WDR59: variants seen among roughly 807,000 people sequenced by gnomAD.
The protein encoded by WDR59 is WD repeat domain 59.
WDR59 carries 100 observed loss-of-function variants against 131.2 expected under a neutral mutation model. That is an observed-to-expected ratio of 0.76 (90% confidence interval 0.65 to 0.90). The LOEUF (loss-of-function observed/expected upper bound fraction) is 0.90, where lower values mean the gene tolerates loss of function less well. Ranked by LOEUF, WDR59 falls within the 40% of genes least tolerant of loss-of-function variation. WDR59 has a pLI of 0.00. For synonymous variants in WDR59, 601 were observed against 466.2 expected (o/e 1.29, Z -3.72); for missense variants, 1,203 against 1,262.2 (o/e 0.95, Z 0.71).
intron 9 of WDR59, among the ~76,000 whole-genome samples, chr16:74,922,661 G>C (rs1031937882): frequency 6.6e-6 from 1 of 152,164 alleles, no homozygotes; most frequent in African/African-American, 2.4e-5. Context: ...GTAGCTAAGG[G>C]TTCCATTCAG....
rs1964065828 is a variant in WDR59 at position 74,873,697 on chromosome 16, A to C, written c.*512T>G. ...ATCCTTAAGTACAGTGCATATTTAC[A>C]ATTTAAGTGTCATATTTTAGAAGGC... On this transcript the variant is annotated 3_prime_UTR_variant, in exon 26 of 26. Coordinates refer to ENST00000262144, the MANE Select transcript of WDR59 (RefSeq NM_030581.4). 1 of 153,238 alleles carries C rather than the reference A, an allele frequency of 6.5e-6. No homozygotes were observed. Among genetic ancestry groups the C allele is most frequent in the Non-Finnish European group, 1.5e-5 (1 of 68,870 alleles). The allele number at this position is 153,238 out of a possible 1,614,324, so 9.5% of individuals were successfully genotyped here.
chr16:74,908,672 T>C, intron 17 of WDR59: 2 of 398,626 alleles, frequency 5.0e-6, no homozygotes, highest in Non-Finnish European at 8.8e-6. Flanking sequence ...TGCCTTGTTT[T>C]GACAATAGCT....
rs924874630 is a variant in WDR59 at position 74,873,631 on chromosome 16, T to A, written c.*578A>T. The A allele has an allele frequency of 6.6e-6, 1 of 151,758 alleles. No homozygotes were observed. Among genetic ancestry groups the A allele is most frequent in the Non-Finnish European group, 1.5e-5 (1 of 67,936 alleles). 9.4% of individuals were successfully genotyped at this position (151,758 alleles called of 1,614,324 possible). On this transcript the variant is annotated 3_prime_UTR_variant, in exon 26 of 26. Coordinates refer to ENST00000262144, the MANE Select transcript of WDR59 (RefSeq NM_030581.4). ...TACTAGAATTTTATTAGCCAAGGGA[T>A]AGCAGCTGGAGGAGAAATAACAAAA... is the stretch of plus-strand genomic sequence containing the variant.
intron 4 of WDR59, 126 bp from the exon 5 acceptor site, chr16:74,949,924 T>G: frequency 1.2e-6 from 1 of 869,392 alleles, no homozygotes; most frequent in South Asian, 1.4e-5. Flanking sequence ...TTAATGTGGT[T>G]TAGGCTGAGA....
chr16:74,974,116 G>A (rs868223538), intron 1 of WDR59, among the ~76,000 whole-genome samples: 11 of 152,310 alleles, frequency 7.2e-5, no homozygotes, highest in Middle Eastern at 3.4e-3. Context: ...TTTGCAGTGA[G>A]CTGAGATTAT....
At position 74,872,199 on chromosome 16, in the gene WDR59, A is replaced by T. The variant is rs1964023589; in HGVS notation, c.*2010T>A. The stretch of plus-strand genomic sequence containing the variant: ...AAATGCTGGTTTTCCGCACTAGATC[A>T]ATGTCACAATCCACTAATGGGTCCT... On this transcript the variant is annotated 3_prime_UTR_variant, in exon 26 of 26. Transcript: ENST00000262144. The T allele has an allele frequency of 6.6e-6, 1 of 152,194 alleles. No individual in the cohort carries two copies. The highest frequency in any genetic ancestry group is 1.5e-5 in the Non-Finnish European group (1 of 68,044). The allele number at this position is 152,194 out of a possible 1,614,324, so 9.4% of individuals were successfully genotyped here. A position where few individuals can be genotyped will look rare whatever the true frequency, so the allele number is the denominator to read the frequency against.
At chr16:74,932,775 C>G (rs4888316) in intron 8 of WDR59, among the ~76,000 whole-genome samples, 92,842 of 152,038 alleles carry the variant, frequency 0.61, 30,720 homozygotes, top group East Asian at 0.79. Context: ...AGGGGTGAGC[C>G]ACCATGCCCA....
At chr16:74,957,762 C>A (rs575779067) in intron 2 of WDR59, among the ~76,000 whole-genome samples, 1 of 151,958 alleles carries the variant, frequency 6.6e-6, no homozygotes, top group Non-Finnish European at 1.5e-5. Flanking sequence ...CACTCCAAGC[C>A]CCTGGAGATC....
At chr16:74,957,081 C>CTTTTT (rs34834142) in intron 2 of WDR59, among the ~76,000 whole-genome samples, 2 of 123,946 alleles carry the variant, frequency 1.6e-5, no homozygotes, top group Non-Finnish European at 3.3e-5. Context: ...CTTTTTTTTT[C>CTTTTT]TTTTTTTTTT....
chr16:74,888,941 A>T (rs775266043), intron 21 of WDR59, among the ~76,000 whole-genome samples: 38 of 152,222 alleles, frequency 2.5e-4, no homozygotes, highest in Admixed American at 7.9e-4. Flanking sequence ...GCCTTTAAGA[A>T]TGAATAATAT....
At position 74,909,817 on chromosome 16, in the gene WDR59, C is replaced by G. The variant is rs186359057; in HGVS notation, c.1485+5G>C. 1.2e-6 allele frequency: 2 copies of G among 1,609,430 alleles called. No homozygotes were observed. The highest frequency in any genetic ancestry group is 3.4e-5 in the Admixed American group (2 of 59,156). ...AAGTTGGTATGACAGTTTCATGCTT[C>G]CCACCACAAAGGACTCAAGGCAGGA... On this transcript the variant is annotated splice_donor_5th_base_variant and intron_variant, in intron 15 of 25. Transcript: ENST00000262144.
At chr16:74,927,095 T>C (rs544269106) in intron 8 of WDR59, among the ~76,000 whole-genome samples, 2 of 152,300 alleles carry the variant, frequency 1.3e-5, no homozygotes, top group African/African-American at 4.8e-5. Flanking sequence ...GGTTCTTCCA[T>C]TGAGTACGTG....
intron 9 of WDR59, among the ~76,000 whole-genome samples, chr16:74,923,418 G>C (rs2030451640): frequency 6.6e-6 from 1 of 152,112 alleles, no homozygotes; most frequent in Admixed American, 6.5e-5. Flanking sequence ...TCTCTGTGGA[G>C]CTTTGATCAG....
At chr16:74,898,929 T>C (rs1326968743) in intron 18 of WDR59, among the ~76,000 whole-genome samples, 1 of 152,192 alleles carries the variant, frequency 6.6e-6, no homozygotes, top group African/African-American at 2.4e-5. Context: ...TAATCGGGGC[T>C]TCTGATTCCA....
chr16:74,909,798 G>A, intron 15 of WDR59, 24 bp downstream of exon 15: 2 of 1,604,052 alleles, frequency 1.2e-6, no homozygotes, highest in Non-Finnish European at 1.7e-6. Flanking sequence ...GCCTAAGTTG[G>A]TATGACAGTT....
At chr16:74,886,222 C>A in intron 24 of WDR59, 48 bp downstream of exon 24, 1 of 1,486,474 alleles carries the variant, frequency 6.7e-7, no homozygotes, top group Non-Finnish European at 9.2e-7. Context: ...AAACTGGAGT[C>A]CTGCCTGGAG....
chr16:74,899,798 C>A (rs1965462178), intron 18 of WDR59: 1 of 1,251,004 alleles, frequency 8.0e-7, no homozygotes, highest in Non-Finnish European at 1.0e-6. Context: ...AAGAAAAACA[C>A]CAAGAAAATT....
intron 7 of WDR59, among the ~76,000 whole-genome samples, chr16:74,941,463 G>T (rs146357205): frequency 0.016 from 2,462 of 152,182 alleles, 73 homozygotes; most frequent in African/African-American, 0.056. Flanking sequence ...GGAGGCCGAG[G>T]TGGGCAGATC....
At chr16:74,978,769 C>T (rs1159451228) in intron 1 of WDR59, among the ~76,000 whole-genome samples, 1 of 151,826 alleles carries the variant, frequency 6.6e-6, no homozygotes, top group African/African-American at 2.4e-5. Flanking sequence ...TTTAATCACT[C>T]TGGCTATATG....
Sources: allele counts gnomAD v4.1 joint callset (sites outside exome capture counted in the v4.1 genomes callset), GRCh38; gene constraint gnomAD v4.1.1; transcripts MANE v1.5; gene names NCBI Gene and HGNC (gene_info 2026-07-23, HGNC 2026-07-21).